Variants in PLXNB2 observed in about 807,000 individuals in gnomAD.
The protein encoded by PLXNB2 is plexin B2.
PLXNB2 carries 85 observed loss-of-function variants against 202.6 expected under a neutral mutation model. The observed-to-expected ratio is 0.42, with a 90% CI of 0.35 to 0.50. PLXNB2 has a LOEUF of 0.50. Among genes scored for constraint, PLXNB2 ranks in the 20% least tolerant of loss-of-function variants. The pLI is 0.02. For missense variants in PLXNB2, 2,063 were observed against 2,586.2 expected (o/e 0.80, Z 4.39); for synonymous variants, 1,239 against 1,137.6 (o/e 1.09, Z -1.79).
intron 20 of PLXNB2, 42 bp from the exon 21 acceptor site, chr22:50,281,784 GGGACAGGT>G: frequency 6.4e-7 from 1 of 1,569,764 alleles, no homozygotes; most frequent in Admixed American, 1.7e-5. Context: ...GAGGGAACCA[GGGACAGGT>G]GGACCAGCTC....
intron 1 of PLXNB2, chr22:50,301,199 C>G (rs561168711): frequency 6.2e-6 from 1 of 162,360 alleles, no homozygotes; most frequent in Non-Finnish European, 1.3e-5. Flanking sequence ...TGTCCCCACA[C>G]GCACCAGGCC....
In PLXNB2 at chr22:50,284,275, T is replaced by C; in HGVS notation, c.2182-62A>G. On this transcript the variant is annotated intron_variant, in intron 12 of 36. Coordinates refer to ENST00000359337, the MANE Select transcript of PLXNB2 (RefSeq NM_012401.4). This position sits in a 1 kb window ranked among gnomAD's most constrained non-coding sequence, Gnocchi z 8.0. ...CCCACAGAGGGGCGTGGGGCGGGGG[T>C]CACAAGGGCAGCCTCCCTGTGGCCA... 6.8e-7 allele frequency: 1 copy of C among 1,478,058 alleles called. No individual in the cohort carries two copies. Among genetic ancestry groups the C allele is most frequent in the Non-Finnish European group, 9.4e-7 (1 of 1,060,436 alleles). 91.6% of individuals were successfully genotyped at this position (1,478,058 alleles called of 1,614,324 possible).
chr22:50,300,057 A>G (rs2067580413), intron 1 of PLXNB2, among the ~76,000 whole-genome samples: 1 of 151,982 alleles, frequency 6.6e-6, no homozygotes, highest in Non-Finnish European at 1.5e-5. Context: ...CGCGAGCCCA[A>G]GCTCCACGGC....
At chr22:50,286,144 G>A in intron 9 of PLXNB2, 29 bp downstream of exon 9, 1 of 1,610,358 alleles carries the variant, frequency 6.2e-7, no homozygotes, top group South Asian at 1.1e-5. Context: ...GGACGGGCAG[G>A]GTGGGGTCGA....
chr22:50,276,282 G>A (rs4992606), intron 35 of PLXNB2, among the ~76,000 whole-genome samples: 234 of 19,270 alleles, frequency 0.012, no homozygotes, highest in Middle Eastern at 0.062. Context: ...GGGTGCAGCC[G>A]CAGGGAGGGG....
At chr22:50,303,450 G>C (rs575231988) in intron 1 of PLXNB2, among the ~76,000 whole-genome samples, 1 of 152,124 alleles carries the variant, frequency 6.6e-6, no homozygotes, top group South Asian at 2.1e-4. Context: ...ATGCTGGCTC[G>C]GGGGCCCCAG....
In PLXNB2 at chr22:50,283,845, G is replaced by C; in HGVS notation, c.2409C>G (p.Pro803=). Residue 803 remains proline (P), a synonymous_variant, in exon 14 of 37, where the codon CCC becomes CCG. Coordinates refer to ENST00000359337, the MANE Select transcript of PLXNB2 (RefSeq NM_012401.4). The part of the protein sequence containing the change: ...LCNTTSECPP[P]VITRIQPETG... Reference sequence around the variant, plus strand: ...TCGAGGGGCTCACCCTGGTGATGACGGGCGGCGGGCACTCGGAGGTGGTGT... The same window carrying C: ...TCGAGGGGCTCACCCTGGTGATGACCGGCGGCGGGCACTCGGAGGTGGTGT... 1 of 1,609,286 alleles carries C rather than the reference G, an allele frequency of 6.2e-7. No homozygotes were observed. Among genetic ancestry groups the C allele is most frequent in the East Asian group, 2.2e-5 (1 of 44,712 alleles).
intron 33 of PLXNB2, among the ~76,000 whole-genome samples, chr22:50,277,160 G>A (rs1388923954): frequency 6.6e-6 from 1 of 152,148 alleles, no homozygotes; most frequent in Non-Finnish European, 1.5e-5. Context: ...TACTAGCCGT[G>A]CGTTGTGGCA....
rs118175447 is a variant in PLXNB2 at position 50,276,510 on chromosome 22, G to A, written c.5337+119C>T. ...ATGGCCGAGCCCACCTCGAGGTCCC[G>A]CCCCACCCTCTCTCCCCCTCAGCAC... On this transcript the variant is annotated intron_variant, in intron 35 of 36. Coordinates refer to ENST00000359337, the MANE Select transcript of PLXNB2 (RefSeq NM_012401.4). 1.4e-3 allele frequency: 1,207 copies of A among 879,472 alleles called. 19 individuals carry two copies. The East Asian group carries it at 0.027, about 19-fold the overall frequency. 54.5% of individuals were successfully genotyped at this position (879,472 alleles called of 1,614,324 possible).
At position 50,279,898 on chromosome 22, in the gene PLXNB2, C is replaced by G. The variant is rs1334585689; in HGVS notation, c.4242+107G>C. The G allele has an allele frequency of 8.5e-6, 12 of 1,404,152 alleles. No homozygotes were observed. In the African/African-American group the frequency reaches 1.7e-4, roughly 20 times the overall value. 87.0% of individuals were successfully genotyped at this position (1,404,152 alleles called of 1,614,324 possible). ...TGTCAGGGGCAGGAAGCAAACCTGT[C>G]CAGGCAGGGCCCACCTCAAGGTGCC... On this transcript the variant is annotated intron_variant, in intron 26 of 36. Coordinates refer to ENST00000359337, the MANE Select transcript of PLXNB2 (RefSeq NM_012401.4).
rs1251509632 is a variant in PLXNB2, at chr22:50,280,917, C to T, written c.3820G>A (p.Val1274Met). The T allele has an allele frequency of 1.1e-5, 18 of 1,613,116 alleles. No homozygotes were observed. Among genetic ancestry groups the T allele is most frequent in the African/African-American group, 5.3e-5 (4 of 74,790 alleles). The change falls in exon 24 of 37, where the codon GTG becomes ATG. Residue 1274 changes from valine to methionine, a missense_variant. Transcript: ENST00000359337. ...TCGGTGTAGGTCTTGTAGTCCAGCA[C>T]GGGGATGCCGGCCTCGTGCACGTCG... is the stretch of plus-strand genomic sequence containing the variant. ...TNDVHEAGIP[V>M]LDYKTYTDRV...
intron 27 of PLXNB2, 136 bp downstream of exon 27, chr22:50,279,494 A>G (rs1387327666): frequency 7.0e-6 from 6 of 862,406 alleles, no homozygotes; most frequent in Non-Finnish European, 1.1e-5. Flanking sequence ...AGGCCGAGTT[A>G]GAGCAGGCTG....
Position 50,283,196 on chromosome 22 carries a change from C to T in PLXNB2, c.2680-10G>A, listed in dbSNP as rs1601698698. 1 of 1,598,434 alleles carries T rather than the reference C, an allele frequency of 6.3e-7. No homozygotes were observed. ...TGAGAGGCTTGGGCTGCTGAAAGAG[C>T]CGCAGGGGCACTCGGGTGAGGACGG... On this transcript the variant is annotated splice_polypyrimidine_tract_variant and intron_variant, in intron 16 of 36. Coordinates refer to ENST00000359337, the MANE Select transcript of PLXNB2 (RefSeq NM_012401.4).
intron 33 of PLXNB2, among the ~76,000 whole-genome samples, chr22:50,277,300 CA>C (rs34557850): frequency 5.3e-4 from 75 of 142,662 alleles, no homozygotes; most frequent in Admixed American, 4.9e-4. Flanking sequence ...GACTCCATCT[CA>C]AAAAAAAAAA....
rs746814341 is a variant in PLXNB2 at position 50,287,694 on chromosome 22, C to G, written c.1581G>C (p.Gln527His). ...SCVAVTSAQPQNMSRRAQGEV... is the reference protein window; with the variant it reads ...SCVAVTSAQPHNMSRRAQGEV... Reference sequence around the variant, plus strand: ...CCCCCTGGGCCCGCCGGCTCATGTTCTGTGGCTGGGCGCTGGTGACGGCCA... The same window carrying G: ...CCCCCTGGGCCCGCCGGCTCATGTTGTGTGGCTGGGCGCTGGTGACGGCCA... The change falls in exon 7 of 37, where the codon CAG (glutamine) becomes CAC (histidine). Residue 527 changes from glutamine (Q) to histidine (H), a missense_variant. Coordinates refer to ENST00000359337, the MANE Select transcript of PLXNB2 (RefSeq NM_012401.4). 10 of 1,556,172 alleles carry G rather than the reference C, an allele frequency of 6.4e-6. No individual in the cohort carries two copies. Among genetic ancestry groups the G allele is most frequent in the African/African-American group, 2.7e-5 (2 of 73,954 alleles).
chr22:50,302,584 GC>G (rs2067748108), intron 1 of PLXNB2, among the ~76,000 whole-genome samples: 1 of 152,108 alleles, frequency 6.6e-6, no homozygotes, highest in Non-Finnish European at 1.5e-5. Flanking sequence ...CCACCTTCAC[GC>G]CCTCCTCCCT....
Position 50,287,774 on chromosome 22 carries a change from A to C in PLXNB2, c.1501T>G (p.Cys501Gly). 2 of 1,585,168 alleles carry C rather than the reference A, an allele frequency of 1.3e-6. No homozygotes were observed. Among genetic ancestry groups the C allele is most frequent in the Non-Finnish European group, 1.7e-6 (2 of 1,173,320 alleles). ...VEGRCTRKAE[C>G]PRAEEASHWL... ...TGGCTGGCCTCCTCGGCCCGCGGAC[A>C]CTCGGCCTTCCGGGTGCATCTGCAG... The change falls in exon 7 of 37, where the codon TGT (cysteine) becomes GGT (glycine). Residue 501 changes from cysteine (C) to glycine (G), a missense_variant. Around this residue, in one of 2 missense-constraint regions of PLXNB2, gnomAD observed 1,303 missense variants for 1,476.8 expected, o/e 0.88. Coordinates refer to ENST00000359337, the MANE Select transcript of PLXNB2 (RefSeq NM_012401.4).
chr22:50,275,272 T>G lies in PLXNB2; in HGVS notation c.*432A>C. ...CGCTTTTTCTCCTCCTCCCATCTCGTGGTGGACAGACAGACATAGGATCTG... is the reference window on the plus strand; with the variant it reads ...CGCTTTTTCTCCTCCTCCCATCTCGGGGTGGACAGACAGACATAGGATCTG... On this transcript the variant is annotated 3_prime_UTR_variant, in exon 37 of 37. Coordinates refer to ENST00000359337, the MANE Select transcript of PLXNB2 (RefSeq NM_012401.4). 2.5e-6 allele frequency: 1 copy of G among 401,968 alleles called. No individual in the cohort carries two copies. The highest frequency in any genetic ancestry group is 3.2e-5 in the Admixed American group (1 of 31,252). 24.9% of individuals were successfully genotyped at this position (401,968 alleles called of 1,614,324 possible). A position where few individuals can be genotyped will look rare whatever the true frequency, so the allele number is the denominator to read the frequency against.
intron 7 of PLXNB2, 111 bp from the exon 8 acceptor site, chr22:50,287,375 G>T: frequency 8.1e-7 from 1 of 1,227,000 alleles, no homozygotes; most frequent in Non-Finnish European, 1.1e-6. Context: ...GGAGCCTCCA[G>T]AACCCGACTC....
Sources: allele counts gnomAD v4.1 joint callset (sites outside exome capture counted in the v4.1 genomes callset), GRCh38; gene constraint gnomAD v4.1.1; regional missense constraint gnomAD v4.1.1; non-coding constraint Gnocchi (gnomAD v3.1); transcripts MANE v1.5; gene names NCBI Gene and HGNC (gene_info 2026-07-23, HGNC 2026-07-21).